The following CLCC1 variants were observed in gnomAD, a reference collection of about 807,000 sequenced individuals.
CLCC1 encodes the protein chloride channel CLIC-like protein 1.
CLCC1 carries 39 observed loss-of-function variants against 63.3 expected under a neutral mutation model. The observed-to-expected ratio is 0.62, with a 90% CI of 0.48 to 0.81. The LOEUF is 0.81. Among genes scored for constraint, CLCC1 ranks in the 30% least tolerant of loss-of-function variants. The probability of loss-of-function intolerance (pLI) is 0.00; values close to 1 mark genes in which losing one functional copy is unlikely to be tolerated. For missense variants in CLCC1, 549 were observed against 669.4 expected (o/e 0.82, Z 1.98); for synonymous variants, 217 against 239.8 (o/e 0.90, Z 0.88).
chr1:108,941,568 C>A, intron 7 of CLCC1, 70 bp from the exon 8 acceptor site: 1 of 1,084,708 alleles, frequency 9.2e-7, no homozygotes, highest in Admixed American at 2.1e-5. Flanking sequence ...ATCCAAAAGA[C>A]CTTCATTCAA....
intron 2 of CLCC1, among the ~76,000 whole-genome samples, chr1:108,956,910 A>AGGC (rs1447414337): frequency 4.2e-5 from 6 of 142,602 alleles, no homozygotes; most frequent in Non-Finnish European, 7.6e-5. Flanking sequence ...GGAGGCGGGG[A>AGGC]GGGAGTGGTA....
Position 108,934,528 on chromosome 1 carries a change from T to C in CLCC1, c.*45+97A>G, listed in dbSNP as rs907139748. On this transcript the variant is annotated intron_variant, in intron 12 of 12. Transcript: ENST00000369969. ...TTAATTCTAATTGTCAGTAAAAATG[T>C]GAATGTTGAAGTTGAAATGTGAATG... is the stretch of plus-strand genomic sequence containing the variant. 170 of 909,334 alleles carry C rather than the reference T, an allele frequency of 1.9e-4. 1 individual carries two copies. The East Asian group carries it at 3.3e-3, about 17-fold the overall frequency. The allele number at this position is 909,334 out of a possible 1,614,324, so 56.3% of individuals were successfully genotyped here.
chr1:108,929,731 C>T lies in CLCC1; in HGVS notation c.*2816G>A. The T allele has an allele frequency of 1.2e-6, 2 of 1,612,772 alleles. No individual in the cohort carries two copies. The highest frequency in any genetic ancestry group is 1.7e-6 in the Non-Finnish European group (2 of 1,178,824). ...CAGATTAGATGATCAAAGATGTGCT[C>T]CACCACCTGCTACCACAAAGGGTCC... On this transcript the variant is annotated 3_prime_UTR_variant, in exon 13 of 13. Transcript: ENST00000369969.
intron 2 of CLCC1, among the ~76,000 whole-genome samples, chr1:108,956,100 A>G (rs1655851842): frequency 6.6e-6 from 1 of 151,432 alleles, no homozygotes; most frequent in Non-Finnish European, 1.5e-5. Flanking sequence ...TTGTGGGAAC[A>G]CGCCCCTCTT....
chr1:108,934,790 C>T lies in CLCC1; in HGVS notation c.1536G>A (p.Ala512=), dbSNP rs772609730. 38 of 1,614,036 alleles carry T rather than the reference C, an allele frequency of 2.4e-5. No individual in the cohort carries two copies. Among genetic ancestry groups the T allele is most frequent in the East Asian group, 6.7e-5 (3 of 44,900 alleles). Residue 512 remains alanine (A), a synonymous_variant, in exon 12 of 13, where the codon GCG becomes GCA. Transcript: ENST00000369969. ...TSGNTEGSPA[A]EKAQLKSEAA... ...CTTCAGACTTGAGCTGGGCCTTTTC[C>T]GCTGCGGGTGAACCTTCTGTATTCC...
At chr1:108,942,162 C>T (rs1449517479) in intron 7 of CLCC1, among the ~76,000 whole-genome samples, 3 of 152,038 alleles carry the variant, frequency 2.0e-5, no homozygotes, top group African/African-American at 7.2e-5. Flanking sequence ...CGCTTGAACC[C>T]GGGAGGTGGA....
At chr1:108,944,870 C>T (rs1253925114) in intron 5 of CLCC1, among the ~76,000 whole-genome samples, 1 of 152,170 alleles carries the variant, frequency 6.6e-6, no homozygotes, top group Non-Finnish European at 1.5e-5. Context: ...ACCTCATGAT[C>T]CGCCCGCCAT....
At chr1:108,960,603 G>A (rs1313739896) in intron 2 of CLCC1, among the ~76,000 whole-genome samples, 1 of 152,174 alleles carries the variant, frequency 6.6e-6, no homozygotes, top group African/African-American at 2.4e-5. Context: ...CATAGGCAAT[G>A]AGGTTATATA....
intron 12 of CLCC1, chr1:108,934,412 G>A: frequency 2.2e-6 from 1 of 454,438 alleles, no homozygotes; most frequent in Non-Finnish European, 3.9e-6. Context: ...CCTGTCATCT[G>A]TTCATCTTAA....
intron 12 of CLCC1, 50 bp from the exon 13 acceptor site, chr1:108,932,551 A>G (rs549480746): frequency 1.3e-5 from 2 of 152,368 alleles, no homozygotes; most frequent in South Asian, 4.1e-4. Context: ...ATTTTTTAAA[A>G]GAATTTGGTT....
intron 4 of CLCC1, among the ~76,000 whole-genome samples, chr1:108,948,310 A>G (rs1457061276): frequency 6.6e-6 from 1 of 152,228 alleles, no homozygotes; most frequent in Non-Finnish European, 1.5e-5. Flanking sequence ...TACCACCCAC[A>G]TGGCAACCCT....
At chr1:108,943,795 G>C (rs1654163033) in intron 6 of CLCC1, 41 bp downstream of exon 6, 1 of 1,520,552 alleles carries the variant, frequency 6.6e-7, no homozygotes, top group East Asian at 2.3e-5. Context: ...ATTTTAAAAA[G>C]GAAACTTAAT....
intron 7 of CLCC1, among the ~76,000 whole-genome samples, chr1:108,942,102 C>T (rs1031674234): frequency 1.3e-5 from 2 of 151,934 alleles, no homozygotes; most frequent in Admixed American, 6.6e-5. Flanking sequence ...TTCAGCCAGG[C>T]GTGATAGCAC....
intron 12 of CLCC1, chr1:108,933,632 T>TCAAAACACA (rs1652369256): frequency 6.6e-6 from 1 of 152,246 alleles, no homozygotes; most frequent in Non-Finnish European, 1.5e-5. Context: ...TGAATATGGT[T>TCAAAACACA]AAAACAAAGG....
Position 108,931,715 on chromosome 1 carries a change from T to A in CLCC1, c.*832A>T. On this transcript the variant is annotated 3_prime_UTR_variant, in exon 13 of 13. Coordinates refer to ENST00000369969, the MANE Select transcript of CLCC1 (RefSeq NM_001377458.1). ...AGGTATGATGTCCTGGATAGCATTT[T>A]AAAAACTCAGGTAAGTTTCATGGGG... is the stretch of plus-strand genomic sequence containing the variant. 2.3e-6 allele frequency: 1 copy of A among 436,974 alleles called. No individual in the cohort carries two copies. Among genetic ancestry groups the A allele is most frequent in the Non-Finnish European group, 3.5e-6 (1 of 282,760 alleles). 27.1% of individuals were successfully genotyped at this position (436,974 alleles called of 1,614,324 possible).
Position 108,930,542 on chromosome 1 carries a change from G to A in CLCC1, c.*2005C>T, listed in dbSNP as rs1303252765. On this transcript the variant is annotated 3_prime_UTR_variant, in exon 13 of 13. Transcript: ENST00000369969. ...GGAGGCTGAGGCAGGAGGATCGCTT[G>A]AGGCTAGGAGTTCAAGACCAACCTG... 1 of 152,848 alleles carries A rather than the reference G, an allele frequency of 6.5e-6. No homozygotes were observed. The highest frequency in any genetic ancestry group is 1.5e-5 in the Non-Finnish European group (1 of 68,780). The allele number at this position is 152,848 out of a possible 1,614,324, so 9.5% of individuals were successfully genotyped here. A position where few individuals can be genotyped will look rare whatever the true frequency, so the allele number is the denominator to read the frequency against.
At chr1:108,935,268 T>C (rs1402693934) in intron 11 of CLCC1, among the ~76,000 whole-genome samples, 1 of 152,240 alleles carries the variant, frequency 6.6e-6, no homozygotes, top group South Asian at 2.1e-4. Flanking sequence ...TTCTTGAGCA[T>C]ATATTAAGTT....
At chr1:108,954,799 T>C (rs919182273) in intron 2 of CLCC1, among the ~76,000 whole-genome samples, 1 of 149,404 alleles carries the variant, frequency 6.7e-6, no homozygotes, top group Non-Finnish European at 1.5e-5. Flanking sequence ...ACCTACTGTA[T>C]ACTGGGCACT....
In CLCC1 at chr1:108,932,253, G is replaced by C. The variant is rs564043237; in HGVS notation, c.*294C>G. 1 of 152,234 alleles carries C rather than the reference G, an allele frequency of 6.6e-6. No homozygotes were observed. The highest frequency in any genetic ancestry group is 1.9e-4 in the East Asian group (1 of 5,178). The allele number at this position is 152,234 out of a possible 1,614,324, so 9.4% of individuals were successfully genotyped here. ...TGTACCACCTCACTCCAGCCTGGGTGACAGAGCAAAACTCTCAAAAAAAAG... is the reference window on the plus strand; with the variant it reads ...TGTACCACCTCACTCCAGCCTGGGTCACAGAGCAAAACTCTCAAAAAAAAG... On this transcript the variant is annotated 3_prime_UTR_variant, in exon 13 of 13. Transcript: ENST00000369969.
Sources: gnomAD v4.1 joint callset for allele counts (sites outside exome capture counted in the v4.1 genomes callset) on GRCh38, gnomAD v4.1.1 for gene constraint, MANE v1.5 for transcripts, NCBI Gene and HGNC (gene_info 2026-07-23, HGNC 2026-07-21) for gene names.